GTF2H2C: variants seen among roughly 807,000 people sequenced by gnomAD.
GTF2H2C encodes general transcription factor IIH subunit 2-like protein.
A neutral mutation model predicts 24.8 loss-of-function variants in GTF2H2C; 5 were observed. The observed-to-expected ratio is 0.20, with a 90% confidence interval of 0.11 to 0.42. The LOEUF is 0.42. Among genes scored for constraint, GTF2H2C ranks in the 20% least tolerant of loss-of-function variants. The probability of loss-of-function intolerance (pLI) is 1.00; values close to 1 mark genes in which losing one functional copy is unlikely to be tolerated. For synonymous variants in GTF2H2C, 14 were observed against 52.6 expected, an observed-to-expected ratio of 0.27 and a Z score of 3.18; for missense variants, 45 against 169.8, an observed-to-expected ratio of 0.27 and a Z score of 4.08.
At chr5:69,562,041 G>T (rs1490932171) in intron 1 of GTF2H2C, among the ~76,000 whole-genome samples, 2 of 152,066 alleles carry the variant, frequency 1.3e-5, no homozygotes, top group Non-Finnish European at 2.9e-5. Context: ...AGTTGAGGCT[G>T]GGTGTGGTGA....
At chr5:69,563,165 C>T (rs1378594465) in intron 2 of GTF2H2C, among the ~76,000 whole-genome samples, 1 of 151,188 alleles carries the variant, frequency 6.6e-6, no homozygotes, top group African/African-American at 2.4e-5. Flanking sequence ...TTTAGTCTCC[C>T]AAAGTGCTAG....
intron 9 of GTF2H2C, among the ~76,000 whole-genome samples, chr5:69,573,025 T>TTA (rs531442685): frequency 0.011 from 1,426 of 131,794 alleles, 24 homozygotes; most frequent in African/African-American, 0.035. Context: ...TAGTTAAAGC[T>TTA]TATATATATA....
intron 2 of GTF2H2C, 97 bp from the exon 3 acceptor site, chr5:69,565,003 T>C (rs925390104): frequency 5.3e-5 from 58 of 1,098,932 alleles, no homozygotes; most frequent in Non-Finnish European, 6.4e-5. Flanking sequence ...GGCATTCCAT[T>C]TTTTTTACTT....
At chr5:69,561,127 C>T (rs1454523423) in intron 1 of GTF2H2C, among the ~76,000 whole-genome samples, 2 of 152,080 alleles carry the variant, frequency 1.3e-5, no homozygotes, top group Non-Finnish European at 2.9e-5. Flanking sequence ...CAAAGTCCAT[C>T]TTCAGGATGC....
At chr5:69,565,873 C>T in intron 3 of GTF2H2C, 1 of 514,886 alleles carries the variant, frequency 1.9e-6, no homozygotes, top group Non-Finnish European at 3.5e-6. Context: ...ATTTTTAAGA[C>T]TCATCCATGT....
At chr5:69,560,538 G>A (rs1412351757) in intron 1 of GTF2H2C, 135 bp downstream of exon 1, 1 of 146,646 alleles carries the variant, frequency 6.8e-6, no homozygotes. Context: ...ACCAACCTCT[G>A]AGCCTGAATC....
chr5:69,561,249 CTAAT>C (rs1207755152), intron 1 of GTF2H2C, among the ~76,000 whole-genome samples: 26 of 151,480 alleles, frequency 1.7e-4, no homozygotes, highest in African/African-American at 5.8e-4. Context: ...GCAGGCAGCT[CTAAT>C]TAAGAAGTCC....
At chr5:69,575,704 TAAA>T (rs1180573934) in intron 9 of GTF2H2C, among the ~76,000 whole-genome samples, 2 of 28,550 alleles carry the variant, frequency 7.0e-5, no homozygotes, top group African/African-American at 4.5e-4. Context: ...CGTCTCAAAA[TAAA>T]AAAAAAAAAA....
In GTF2H2C at chr5:69,593,687, A is replaced by T. The variant is rs1260684315; in HGVS notation, c.*1489A>T. 1 of 18,638 alleles carries T rather than the reference A, an allele frequency of 5.4e-5. No individual in the cohort carries two copies. Among genetic ancestry groups the T allele is most frequent in the African/African-American group, 1.8e-4 (1 of 5,584 alleles). The allele number at this position is 18,638 out of a possible 1,614,324, so 1.2% of individuals were successfully genotyped here. Reference sequence around the variant, plus strand: ...CGCGGTGGCTCACGCCTGTAATCCTAGCACTTTGGGAGGCCGAGGCGGGCA... The same window carrying T: ...CGCGGTGGCTCACGCCTGTAATCCTTGCACTTTGGGAGGCCGAGGCGGGCA... On this transcript the variant is annotated 3_prime_UTR_variant, in exon 17 of 17. Coordinates refer to ENST00000380729, the MANE Select transcript of GTF2H2C (RefSeq NM_001376000.2).
chr5:69,590,316 C>CT lies in GTF2H2C; in HGVS notation c.1029-4dup, dbSNP rs1357168034. 19 of 179,548 alleles carry CT rather than the reference C, an allele frequency of 1.1e-4. No individual in the cohort carries two copies. Among genetic ancestry groups the CT allele is most frequent in the South Asian group, 1.4e-4 (3 of 20,708 alleles). The allele number at this position is 179,548 out of a possible 1,614,324, so 11.1% of individuals were successfully genotyped here. A position where few individuals can be genotyped will look rare whatever the true frequency, so the allele number is the denominator to read the frequency against. On this transcript the variant is annotated splice_polypyrimidine_tract_variant and intron_variant, in intron 15 of 16. Coordinates refer to ENST00000380729, the MANE Select transcript of GTF2H2C (RefSeq NM_001376000.2). ...AATTCTAAGAAAAAACATTGTTAAA[C>CT]TTTTTTTTCAGATTTTGTTATGGAT...
intron 1 of GTF2H2C, 46 bp from the exon 2 acceptor site, chr5:69,562,626 AT>A (rs1220116021): frequency 6.7e-6 from 1 of 149,894 alleles, no homozygotes; most frequent in Non-Finnish European, 1.5e-5. Flanking sequence ...GAGGACATTT[AT>A]TTGTGCATGA....
chr5:69,561,591 C>T (rs1318997491), intron 1 of GTF2H2C, among the ~76,000 whole-genome samples: 1 of 130,758 alleles, frequency 7.6e-6, no homozygotes, highest in East Asian at 2.1e-4. Context: ...TTGATATGGT[C>T]AGCCAAAAGT....
At chr5:69,589,875 C>CTTTT (rs1160077149) in intron 15 of GTF2H2C, among the ~76,000 whole-genome samples, 2,113 of 60,354 alleles carry the variant, frequency 0.035, 6 homozygotes, top group Non-Finnish European at 0.038. Flanking sequence ...TATTGCTATT[C>CTTTT]TTTTTTTTTT....
intron 12 of GTF2H2C, among the ~76,000 whole-genome samples, chr5:69,580,356 T>G (rs2112239470): frequency 6.8e-6 from 1 of 146,988 alleles, no homozygotes; most frequent in East Asian, 2.1e-4. Flanking sequence ...ATCACACCAC[T>G]GCACTCTAGC....
chr5:69,561,954 C>T (rs1315758256), intron 1 of GTF2H2C, among the ~76,000 whole-genome samples: 1 of 151,978 alleles, frequency 6.6e-6, no homozygotes, highest in Non-Finnish European at 1.5e-5. Context: ...AGTTTAAAAA[C>T]GTTGAGAACG....
Position 69,560,337 on chromosome 5 carries a change from G to C in GTF2H2C, c.-198G>C, listed in dbSNP as rs1770227499. Reference sequence around the variant, plus strand: ...GAGCGTTTTCGTGGCGGGGAACGGAGGTTGAATTGCCCTGCCTGGGCTCAT... The same window carrying C: ...GAGCGTTTTCGTGGCGGGGAACGGACGTTGAATTGCCCTGCCTGGGCTCAT... On this transcript the variant is annotated 5_prime_UTR_variant, in exon 1 of 17. Coordinates refer to ENST00000380729, the MANE Select transcript of GTF2H2C (RefSeq NM_001376000.2). 1 of 151,258 alleles carries C rather than the reference G, an allele frequency of 6.6e-6. No individual in the cohort carries two copies. Among genetic ancestry groups the C allele is most frequent in the Admixed American group, 6.6e-5 (1 of 15,178 alleles). 9.4% of individuals were successfully genotyped at this position (151,258 alleles called of 1,614,324 possible). A position where few individuals can be genotyped will look rare whatever the true frequency, so the allele number is the denominator to read the frequency against.
chr5:69,563,770 G>A (rs2112170651), intron 2 of GTF2H2C, among the ~76,000 whole-genome samples: 1 of 151,998 alleles, frequency 6.6e-6, no homozygotes, highest in Non-Finnish European at 1.5e-5. Flanking sequence ...GTTTCCACTC[G>A]TAAATGAGAA....
At chr5:69,573,076 CAT>C (rs1283237615) in intron 9 of GTF2H2C, among the ~76,000 whole-genome samples, 1 of 138,712 alleles carries the variant, frequency 7.2e-6, no homozygotes. Flanking sequence ...ATTTATTATA[CAT>C]ATATATAAAG....
intron 8 of GTF2H2C, 109 bp downstream of exon 8, chr5:69,568,316 T>G (rs1770872771): frequency 2.5e-6 from 1 of 397,338 alleles, no homozygotes; most frequent in East Asian, 5.0e-5. Context: ...GTGGTTCCTC[T>G]GTCTTCTCTA....
Sources: allele counts gnomAD v4.1 joint callset (sites outside exome capture counted in the v4.1 genomes callset), GRCh38; gene constraint gnomAD v4.1.1; transcripts MANE v1.5; gene names NCBI Gene and HGNC (gene_info 2026-07-23, HGNC 2026-07-21).